The following HTR2C variants were observed in gnomAD, a reference collection of about 807,000 sequenced individuals.
The protein encoded by HTR2C is 5-hydroxytryptamine receptor 2C.
Under a neutral mutation model 21.0 loss-of-function variants are expected in HTR2C, and 5 were observed. That is an observed-to-expected ratio of 0.24 (90% CI 0.12 to 0.50). The LOEUF (loss-of-function observed/expected upper bound fraction) is 0.50. Among genes scored for constraint, HTR2C ranks in the 20% least tolerant of loss-of-function variants. The probability of loss-of-function intolerance (pLI) is 0.98; values close to 1 mark genes in which losing one functional copy is unlikely to be tolerated. For missense variants in HTR2C, 271 were observed against 371.2 expected (o/e 0.73, Z 2.22); for synonymous variants, 150 against 145.3 (o/e 1.03, Z -0.23).
At chrX:114,861,231 T>C (rs1310174210) in intron 5 of HTR2C, among the ~76,000 whole-genome samples, 2 of 111,443 alleles carry the variant, frequency 1.8e-5, no homozygotes, top group African/African-American at 6.5e-5. Flanking sequence ...CTCTGTATAT[T>C]TCAATTTTTC....
At chrX:114,721,415 T>G (rs1933207251) in intron 2 of HTR2C, among the ~76,000 whole-genome samples, 1 of 95,590 alleles carries the variant, frequency 1.0e-5, no homozygotes, top group Non-Finnish European at 2.1e-5. Context: ...TTCTGGATAT[T>G]AGCCCTTTGT....
At chrX:114,887,177 G>A (rs2071225959) in intron 5 of HTR2C, among the ~76,000 whole-genome samples, 1 of 112,161 alleles carries the variant, frequency 8.9e-6, no homozygotes, top group South Asian at 3.7e-4. Flanking sequence ...ATGCCAGTCT[G>A]AGGTTAGACA....
At chrX:114,659,886 A>G (rs1363653553) in intron 2 of HTR2C, among the ~76,000 whole-genome samples, 1 of 111,362 alleles carries the variant, frequency 9.0e-6, no homozygotes, top group African/African-American at 3.3e-5. Flanking sequence ...TGAAGAGTGT[A>G]CAGGTACTCT....
chrX:114,609,010 T>A (rs1928601902), intron 1 of HTR2C, among the ~76,000 whole-genome samples: 2 of 112,128 alleles, frequency 1.8e-5, no homozygotes, highest in Non-Finnish European at 3.8e-5. Context: ...TCTTTAAAAT[T>A]ACACTTATTC....
chrX:114,828,898 A>G (rs1488445174), intron 4 of HTR2C, among the ~76,000 whole-genome samples: 1 of 112,071 alleles, frequency 8.9e-6, no homozygotes. Context: ...TGTGCCATGT[A>G]TTTGTAATTC....
intron 2 of HTR2C, among the ~76,000 whole-genome samples, chrX:114,724,294 C>G (rs1933354247): frequency 1.0e-5 from 1 of 98,403 alleles, no homozygotes; most frequent in African/African-American, 3.6e-5. Flanking sequence ...CTCTTTTGAT[C>G]TTTGTTGGTT....
chrX:114,685,368 T>A (rs1336243690), intron 2 of HTR2C, among the ~76,000 whole-genome samples: 3 of 111,966 alleles, frequency 2.7e-5, no homozygotes, highest in African/African-American at 9.7e-5. Context: ...TTTCACACCT[T>A]CAGTGGTATG....
chrX:114,746,782 G>A (rs1215732240), intron 4 of HTR2C, among the ~76,000 whole-genome samples: 16 of 110,769 alleles, frequency 1.4e-4, no homozygotes, highest in Non-Finnish European at 3.0e-4. Flanking sequence ...TGAGGAGATT[G>A]AGACCATCCA....
rs1179097011 is a variant in HTR2C, at chrX:114,848,253, T to C, written c.550+50T>C. On this transcript the variant is annotated intron_variant, in intron 5 of 5. Transcript: ENST00000276198. ...GAATTGCAGCGGCTATGCTCAATAC[T>C]TTCGGATTATGTACTGTGAACAACG... The C allele has an allele frequency of 4.3e-6, 4 of 929,668 alleles. No individual in the cohort carries two copies. In the African/African-American group the frequency reaches 7.7e-5, roughly 18 times the overall value. 76.6% of individuals were successfully genotyped at this position (929,668 alleles called of 1,213,427 possible). A position where few individuals can be genotyped will look rare whatever the true frequency, so the allele number is the denominator to read the frequency against.
rs1237379049 is a variant in HTR2C at position 114,726,802 on chromosome X, A to G, written c.-79-56A>G. The G allele has an allele frequency of 2.5e-5, 11 of 447,955 alleles. No homozygotes were observed. The Admixed American group carries it at 5.4e-4, about 22-fold the overall frequency. 36.9% of individuals were successfully genotyped at this position (447,955 alleles called of 1,213,427 possible). A position where few individuals can be genotyped will look rare whatever the true frequency, so the allele number is the denominator to read the frequency against. ...ATTTAAGTTTATTTAATTGGTTACT[A>G]TGCAAGTTATTTCGATGTTTAACTA... On this transcript the variant is annotated intron_variant, in intron 2 of 5. Transcript: ENST00000276198.
intron 4 of HTR2C, among the ~76,000 whole-genome samples, chrX:114,845,373 C>T (rs1165994973): frequency 9.1e-6 from 1 of 110,122 alleles, no homozygotes; most frequent in Non-Finnish European, 1.9e-5. Context: ...AAAAGCTGCG[C>T]TCAGAGGGAA....
chrX:114,821,225 T>C (rs1163780810), intron 4 of HTR2C, among the ~76,000 whole-genome samples: 1 of 74,250 alleles, frequency 1.3e-5, no homozygotes, highest in Non-Finnish European at 2.7e-5. Context: ...CAGATATGAG[T>C]ACGTACAGAC....
At position 114,791,448 on chromosome X, in the gene HTR2C, G is replaced by C. The variant is rs1195524967; in HGVS notation, c.350-56555G>C. 3.6e-5 allele frequency among the ~76,000 whole-genome samples: 4 copies of C among 111,680 alleles called. No individual in the cohort carries two copies. The East Asian group carries it at 8.4e-4, about 24-fold the overall frequency. On this transcript the variant is annotated intron_variant, in intron 4 of 5. Coordinates refer to ENST00000276198, the MANE Select transcript of HTR2C (RefSeq NM_000868.4). ...TAAGAAGAGATAATCCATTGCATTGGTATGAGGGAGAGGGAGGGTATGGGG... is the reference window on the plus strand; with the variant it reads ...TAAGAAGAGATAATCCATTGCATTGCTATGAGGGAGAGGGAGGGTATGGGG...
intron 5 of HTR2C, among the ~76,000 whole-genome samples, chrX:114,879,194 C>T (rs1312081412): frequency 9.2e-6 from 1 of 108,336 alleles, no homozygotes; most frequent in African/African-American, 3.3e-5. Context: ...TTTTTAATTA[C>T]TATACCATTC....
intron 2 of HTR2C, among the ~76,000 whole-genome samples, chrX:114,674,016 T>C (rs1321466461): frequency 6.2e-5 from 7 of 112,106 alleles, no homozygotes; most frequent in African/African-American, 2.3e-4. Context: ...TAGCTTGTTA[T>C]GGAGAGTAGA....
chrX:114,892,432 T>A (rs1440291140), intron 5 of HTR2C, among the ~76,000 whole-genome samples: 1 of 111,314 alleles, frequency 9.0e-6, no homozygotes, highest in Non-Finnish European at 1.9e-5. Flanking sequence ...AGGCAAAAAA[T>A]TAAATAAGGA....
chrX:114,862,220 A>C (rs983545154), intron 5 of HTR2C, among the ~76,000 whole-genome samples: 4 of 110,930 alleles, frequency 3.6e-5, no homozygotes, highest in Non-Finnish European at 3.8e-5. Context: ...TTTTTACAGC[A>C]TCATTTATTT....
chrX:114,730,178 G>T (rs782115533), intron 3 of HTR2C, among the ~76,000 whole-genome samples: 20 of 111,668 alleles, frequency 1.8e-4, no homozygotes, highest in Non-Finnish European at 3.4e-4. Context: ...CACTTTGAGA[G>T]AATACTTATG....
intron 4 of HTR2C, among the ~76,000 whole-genome samples, chrX:114,796,348 G>A (rs1466526688): frequency 9.0e-6 from 1 of 111,531 alleles, no homozygotes; most frequent in African/African-American, 3.3e-5. Context: ...TCAGGATTGG[G>A]TATTTTACAT....
Sources: gnomAD v4.1 joint callset for allele counts (sites outside exome capture counted in the v4.1 genomes callset) on GRCh38, gnomAD v4.1.1 for gene constraint, MANE v1.5 for transcripts, NCBI Gene and HGNC (gene_info 2026-07-23, HGNC 2026-07-21) for gene names.